FRMPD4: variants seen among roughly 807,000 people sequenced by gnomAD.
FRMPD4 encodes the protein FERM and PDZ domain containing 4.
FRMPD4 carries 22 observed loss-of-function variants against 94.1 expected under a neutral mutation model. That is an observed-to-expected ratio of 0.23 (90% confidence interval 0.17 to 0.33). The LOEUF is 0.33. Among genes scored for constraint, FRMPD4 ranks in the 10% least tolerant of loss-of-function variants. The pLI, the probability that FRMPD4 is intolerant of heterozygous loss-of-function variation, is 1.00. For synonymous variants in FRMPD4, 631 were observed against 548.6 expected, an observed-to-expected ratio of 1.15 and a Z score of -2.10; for missense variants, 1,111 against 1,339.9, an observed-to-expected ratio of 0.83 and a Z score of 2.67.
chrX:12,073,960 T>G (rs763865975), intron 3 of FRMPD4, among the ~76,000 whole-genome samples: 1 of 112,193 alleles, frequency 8.9e-6, no homozygotes, highest in South Asian at 3.7e-4. Context: ...CATATGTTCA[T>G]TAGCCACTTG....
chrX:12,096,904 A>G (rs1978699742), intron 3 of FRMPD4, among the ~76,000 whole-genome samples: 1 of 111,046 alleles, frequency 9.0e-6, no homozygotes, highest in Admixed American at 9.6e-5. Flanking sequence ...AACAAACAAA[A>G]ACACATTTTT....
chrX:11,959,940 A>G (rs1173541928), intron 3 of FRMPD4, among the ~76,000 whole-genome samples: 1 of 111,552 alleles, frequency 9.0e-6, no homozygotes, highest in Non-Finnish European at 1.9e-5. Context: ...GCAAACAGTG[A>G]TCAGTGATGC....
intron 3 of FRMPD4, among the ~76,000 whole-genome samples, chrX:12,113,232 T>C (rs750621905): frequency 1.8e-5 from 2 of 112,213 alleles, no homozygotes; most frequent in Non-Finnish European, 3.8e-5. Context: ...ATCTGAACTC[T>C]TCGATTAAAC....
intron 1 of FRMPD4, among the ~76,000 whole-genome samples, chrX:12,427,897 CTTTTTTTTT>C (rs139267482): frequency 1.5e-4 from 8 of 54,768 alleles, no homozygotes; most frequent in African/African-American, 3.0e-4. Flanking sequence ...CCTTTTTTCT[CTTTTTTTTT>C]TTTTTTTTTT....
At chrX:12,048,109 T>C (rs773508736) in intron 3 of FRMPD4, among the ~76,000 whole-genome samples, 1 of 112,908 alleles carries the variant, frequency 8.9e-6, no homozygotes, top group South Asian at 3.6e-4. Context: ...TAATTTACAT[T>C]CCCACCGGTG....
At chrX:12,047,672 C>A (rs961342252) in intron 3 of FRMPD4, among the ~76,000 whole-genome samples, 4 of 111,237 alleles carry the variant, frequency 3.6e-5, no homozygotes, top group Admixed American at 9.6e-5. Flanking sequence ...CTAATAGTCT[C>A]CAGTTCTATT....
chrX:11,899,585 T>C (rs1366597271), intron 3 of FRMPD4, among the ~76,000 whole-genome samples: 2 of 111,647 alleles, frequency 1.8e-5, no homozygotes, highest in African/African-American at 6.5e-5. Context: ...ATATTTTCAT[T>C]TTTATAAGGA....
chrX:12,508,922 G>T (rs1166433511), intron 2 of FRMPD4, among the ~76,000 whole-genome samples: 1 of 103,922 alleles, frequency 9.6e-6, no homozygotes, highest in Admixed American at 1.0e-4. Flanking sequence ...AACCCAGGAG[G>T]TGGAGATTGC....
intron 1 of FRMPD4, among the ~76,000 whole-genome samples, chrX:12,408,025 C>T (rs1428761858): frequency 9.2e-6 from 1 of 109,009 alleles, no homozygotes; most frequent in Non-Finnish European, 1.9e-5. Flanking sequence ...AAGAGGCTAA[C>T]ATATCCAGTT....
chrX:12,168,542 A>G (rs1245968963), intron 1 of FRMPD4, among the ~76,000 whole-genome samples: 3 of 110,118 alleles, frequency 2.7e-5, no homozygotes, highest in Non-Finnish European at 3.8e-5. Context: ...ACATTTTATT[A>G]GATAATAAGT....
intron 1 of FRMPD4, among the ~76,000 whole-genome samples, chrX:12,430,156 CTG>C (rs2056995470): frequency 1.0e-5 from 1 of 98,487 alleles, no homozygotes; most frequent in South Asian, 5.6e-4. Context: ...CTGGAGTAGA[CTG>C]AAGTGCAAAA....
At chrX:12,685,846 G>A (rs1418674415) in intron 6 of FRMPD4, among the ~76,000 whole-genome samples, 1 of 111,678 alleles carries the variant, frequency 9.0e-6, no homozygotes, top group Non-Finnish European at 1.9e-5. Context: ...AAAGAATCAC[G>A]TCTGCAATCA....
At chrX:12,413,858 G>T (rs2056765930) in intron 1 of FRMPD4, among the ~76,000 whole-genome samples, 1 of 112,114 alleles carries the variant, frequency 8.9e-6, no homozygotes, top group Non-Finnish European at 1.9e-5. Flanking sequence ...GGGATGTTCA[G>T]CCCTTCCAGC....
At chrX:12,257,387 C>G (rs2147819827) in intron 1 of FRMPD4, among the ~76,000 whole-genome samples, 1 of 112,090 alleles carries the variant, frequency 8.9e-6, no homozygotes, top group East Asian at 2.8e-4. Flanking sequence ...TACACACACA[C>G]AAACATACAG....
chrX:12,065,465 G>A (rs1305631001), intron 3 of FRMPD4, among the ~76,000 whole-genome samples: 1 of 112,041 alleles, frequency 8.9e-6, no homozygotes, highest in Non-Finnish European at 1.9e-5. Flanking sequence ...TTGAAAAGGC[G>A]CAGGCGTTCG....
intron 10 of FRMPD4, 28 bp downstream of exon 10, chrX:12,702,038 G>A (rs755875410): frequency 2.3e-5 from 27 of 1,188,660 alleles, no homozygotes; most frequent in Non-Finnish European, 1.7e-5. Context: ...GCGCCATTTC[G>A]GAGACAGACA....
At chrX:12,641,784 TTTA>T (rs2059502059) in intron 4 of FRMPD4, among the ~76,000 whole-genome samples, 1 of 112,738 alleles carries the variant, frequency 8.9e-6, no homozygotes, top group Non-Finnish European at 1.9e-5. Context: ...TTTTCTAATA[TTTA>T]ACTCGGATTA....
intron 4 of FRMPD4, among the ~76,000 whole-genome samples, chrX:12,651,399 C>T (rs1291863156): frequency 5.9e-5 from 6 of 101,324 alleles, no homozygotes; most frequent in Non-Finnish European, 1.2e-4. Context: ...CTGGAATTTA[C>T]ATAATACCTT....
At chrX:12,169,268 C>G (rs1386660396) in intron 1 of FRMPD4, among the ~76,000 whole-genome samples, 1 of 111,604 alleles carries the variant, frequency 9.0e-6, no homozygotes, top group Non-Finnish European at 1.9e-5. Flanking sequence ...GTTTAGTTTT[C>G]TGGACTGGAG....
Sources: gnomAD v4.1 joint callset for allele counts (sites outside exome capture counted in the v4.1 genomes callset) on GRCh38, gnomAD v4.1.1 for gene constraint, MANE v1.5 for transcripts, NCBI Gene and HGNC (gene_info 2026-07-23, HGNC 2026-07-21) for gene names.